Variants in CD302 observed in about 807,000 individuals in gnomAD.
The protein encoded by CD302 is CD302 antigen.
CD302 carries 23 observed loss-of-function variants against 26.5 expected under a neutral mutation model. The ratio of observed to expected loss-of-function variants is 0.87; its 90% CI spans 0.62 to 1.23. CD302 has a LOEUF of 1.23. Among genes scored for constraint, CD302 ranks in the 50% most tolerant of loss-of-function variants. The probability of loss-of-function intolerance (pLI) is 0.00; values close to 1 mark genes in which losing one functional copy is unlikely to be tolerated. For synonymous variants in CD302, 90 were observed against 99.4 expected, an observed-to-expected ratio of 0.91 and a Z score of 0.56; for missense variants, 290 against 275.5, an observed-to-expected ratio of 1.05 and a Z score of -0.37.
intron 5 of CD302, among the ~76,000 whole-genome samples, chr2:159,777,584 T>C (rs1708373457): frequency 6.6e-6 from 1 of 152,212 alleles, no homozygotes; most frequent in South Asian, 2.1e-4. Context: ...GCAGTTCTAT[T>C]CAAATTAGTT....
chr2:159,774,477 A>G (rs1247502832), intron 5 of CD302, among the ~76,000 whole-genome samples: 2 of 152,190 alleles, frequency 1.3e-5, no homozygotes, highest in Admixed American at 1.3e-4. Flanking sequence ...AAACTATATG[A>G]AACATTTTGT....
intron 1 of CD302, among the ~76,000 whole-genome samples, chr2:159,788,667 G>A (rs1708730038): frequency 6.6e-6 from 1 of 152,178 alleles, no homozygotes; most frequent in Non-Finnish European, 1.5e-5. Context: ...CCTTCTTGCT[G>A]CTTTCAAGAT....
chr2:159,792,422 CTGTGTGTGTGTGTGTGTGTG>C (rs3138650), intron 1 of CD302, among the ~76,000 whole-genome samples: 2 of 145,294 alleles, frequency 1.4e-5, no homozygotes, highest in Non-Finnish European at 1.5e-5. Context: ...AGAACCAACT[CTGTGTGTGTGTGTGTGTGTG>C]TGTGTGTGTG....
chr2:159,783,843 A>G (rs1708589135), intron 1 of CD302, among the ~76,000 whole-genome samples: 1 of 152,244 alleles, frequency 6.6e-6, no homozygotes, highest in South Asian at 2.1e-4. Context: ...AACAATTTCA[A>G]AAGTCTTAAG....
intron 1 of CD302, among the ~76,000 whole-genome samples, chr2:159,791,571 G>A (rs1044481723): frequency 4.6e-5 from 7 of 152,112 alleles, no homozygotes; most frequent in African/African-American, 7.2e-5. Context: ...TTAACGCCAC[G>A]ACAGCAGAGA....
At chr2:159,774,205 T>G (rs1708242554) in intron 5 of CD302, among the ~76,000 whole-genome samples, 1 of 152,154 alleles carries the variant, frequency 6.6e-6, no homozygotes, top group South Asian at 2.1e-4. Context: ...ATGGTTGATC[T>G]CAACCATTCA....
chr2:159,780,343 C>A (rs983479305), intron 3 of CD302, among the ~76,000 whole-genome samples, 165 bp from the exon 4 acceptor site: 1 of 152,132 alleles, frequency 6.6e-6, no homozygotes, highest in African/African-American at 2.4e-5. Flanking sequence ...ACAGCCAAAT[C>A]ATCAAAAGCT....
rs188868522 is a variant in CD302 at position 159,796,775 on chromosome 2, G to T, written c.67+1357C>A. Among the ~76,000 whole-genome samples the T allele has an allele frequency of 5.7e-3, 866 of 152,296 alleles. 4 individuals are homozygous for T. The highest frequency in any genetic ancestry group is 9.3e-3 in the Non-Finnish European group (633 of 68,020). On this transcript the variant is annotated intron_variant, in intron 1 of 5. Coordinates refer to ENST00000259053, the MANE Select transcript of CD302 (RefSeq NM_014880.5). ...GTCAAAACAGCTTCACTGAAGAAGA[G>T]ACATACCAAAATCTAGAAACTGATT... is the stretch of plus-strand genomic sequence containing the variant.
At position 159,771,933 on chromosome 2, in the gene CD302, G is replaced by T; in HGVS notation, c.617C>A (p.Ser206Ter). 5 of 1,613,976 alleles carry T rather than the reference G, an allele frequency of 3.1e-6. No individual in the cohort carries two copies. Among genetic ancestry groups the T allele is most frequent in the Non-Finnish European group, 4.2e-6 (5 of 1,179,924 alleles). The part of the protein sequence containing the change: ...HSDSRFTTVF[S>*]TAPQSPYNED... ...ATTATAAGGTGATTGGGGTGCGGTT[G>T]AAAAAACTGTGGTGAAACGAGAATC... is the stretch of plus-strand genomic sequence containing the variant. The change falls in exon 6 of 6, where the codon TCA becomes TAA. Residue 206 changes from serine (S) to a stop codon, truncating the protein, a stop_gained. Transcript: ENST00000259053. LOFTEE classifies it high-confidence loss of function.
At chr2:159,773,284 G>T (rs1425492790) in intron 5 of CD302, among the ~76,000 whole-genome samples, 1 of 152,186 alleles carries the variant, frequency 6.6e-6, no homozygotes, top group African/African-American at 2.4e-5. Flanking sequence ...AGAGTGCTGG[G>T]ATTACAGGTG....
intron 1 of CD302, among the ~76,000 whole-genome samples, chr2:159,792,823 CCTT>C (rs78808210): frequency 0.074 from 11,271 of 152,130 alleles, 847 homozygotes; most frequent in African/African-American, 0.19. Flanking sequence ...ACTGCCTTCT[CCTT>C]AGGCTCATTT....
chr2:159,771,919 A>AT lies in CD302; in HGVS notation c.630dup (p.Ser211IlefsTer4). ...AAAACACAGTCTTCATTATAAGGTG[A>AT]TTGGGGTGCGGTTGAAAAAACTGTG... On this transcript the variant is annotated frameshift_variant, in exon 6 of 6. Transcript: ENST00000259053. LOFTEE classifies it high-confidence loss of function. The AT allele has an allele frequency of 6.2e-7, 1 of 1,614,014 alleles. No homozygotes were observed. The highest frequency in any genetic ancestry group is 8.5e-7 in the Non-Finnish European group (1 of 1,179,920).
At position 159,780,159 on chromosome 2, in the gene CD302, A is replaced by G; in HGVS notation, c.315T>C (p.Phe105=). 6.2e-7 allele frequency: 1 copy of G among 1,613,662 alleles called. No individual in the cohort carries two copies. The highest frequency in any genetic ancestry group is 8.5e-7 in the Non-Finnish European group (1 of 1,179,824). Reference sequence around the variant, plus strand: ...TATCAAATGTCATATTTGAATTATCAAACCACTTGAAACTCGCATCTGTCA... The same window carrying G: ...TATCAAATGTCATATTTGAATTATCGAACCACTTGAAACTCGCATCTGTCA... ...YDTDDASFKW[F]DNSNMTFDKW... Residue 105 remains phenylalanine (F), a synonymous_variant, in exon 4 of 6, where the codon TTT becomes TTC. Coordinates refer to ENST00000259053, the MANE Select transcript of CD302 (RefSeq NM_014880.5).
At chr2:159,775,523 A>G (rs1354745166) in intron 5 of CD302, among the ~76,000 whole-genome samples, 1 of 152,092 alleles carries the variant, frequency 6.6e-6, no homozygotes, top group Non-Finnish European at 1.5e-5. Context: ...CTGCTCCACT[A>G]CTCACCTGAA....
At chr2:159,774,421 C>A (rs770488028) in intron 5 of CD302, among the ~76,000 whole-genome samples, 7 of 152,158 alleles carry the variant, frequency 4.6e-5, no homozygotes, top group Non-Finnish European at 2.9e-5. Flanking sequence ...CGCTCTAGTT[C>A]TAACACTGAT....
At chr2:159,798,014 C>G in intron 1 of CD302, 118 bp downstream of exon 1, 1 of 986,928 alleles carries the variant, frequency 1.0e-6, no homozygotes, top group Non-Finnish European at 1.4e-6. Flanking sequence ...GGCGGGATGG[C>G]CGGCCGGGTG....
Position 159,780,022 on chromosome 2 carries a change from GTTCC to G in CD302, c.448_451del (p.Gly150HisfsTer20). On this transcript the variant is annotated frameshift_variant, in exon 4 of 6. Transcript: ENST00000259053. LOFTEE classifies it high-confidence loss of function. ...ATACTTACTAGCTGTTTTGCATAGTGTTCCTTCCACAGAAGAAACTTCACAATTT... is the reference window on the plus strand; with the variant it reads ...ATACTTACTAGCTGTTTTGCATAGTGTTCCACAGAAGAAACTTCACAATTT... The G allele has an allele frequency of 6.2e-7, 1 of 1,613,964 alleles. No individual in the cohort carries two copies. Among genetic ancestry groups the G allele is most frequent in the Non-Finnish European group, 8.5e-7 (1 of 1,179,930 alleles).
chr2:159,771,625 G>T lies in CD302; in HGVS notation c.*226C>A. On this transcript the variant is annotated 3_prime_UTR_variant, in exon 6 of 6. Transcript: ENST00000259053. ...CATTCAAGTGACAGATTCTGCCTTT[G>T]ACGGGATGCTTAAAATCACTATATT... 2.2e-6 allele frequency: 1 copy of T among 447,216 alleles called. No homozygotes were observed. Among genetic ancestry groups the T allele is most frequent in the Non-Finnish European group, 3.9e-6 (1 of 256,702 alleles). 27.7% of individuals were successfully genotyped at this position (447,216 alleles called of 1,614,324 possible).
At chr2:159,795,683 C>A (rs534623126) in intron 1 of CD302, among the ~76,000 whole-genome samples, 2 of 152,140 alleles carry the variant, frequency 1.3e-5, no homozygotes, top group African/African-American at 4.8e-5. Flanking sequence ...GTGGTGTGCA[C>A]AGAAGGACCA....
Sources: allele counts gnomAD v4.1 joint callset (sites outside exome capture counted in the v4.1 genomes callset), GRCh38; gene constraint gnomAD v4.1.1; transcripts MANE v1.5; gene names NCBI Gene and HGNC (gene_info 2026-07-23, HGNC 2026-07-21).